STIM1: variants seen among roughly 807,000 people sequenced by gnomAD.
STIM1 encodes the protein stromal interaction molecule 1.
Under a neutral mutation model 74.7 loss-of-function variants are expected in STIM1, and 25 were observed. The ratio of observed to expected loss-of-function variants is 0.33; its 90% CI spans 0.24 to 0.47. The LOEUF (loss-of-function observed/expected upper bound fraction) is 0.47, where lower values mean the gene tolerates loss of function less well. Among genes scored for constraint, STIM1 ranks in the 20% least tolerant of loss-of-function variants. STIM1 has a pLI of 1.00. For synonymous variants in STIM1, 328 were observed against 348.8 expected, an observed-to-expected ratio of 0.94 and a Z score of 0.66; for missense variants, 728 against 920.8, an observed-to-expected ratio of 0.79 and a Z score of 2.71.
intron 1 of STIM1, chr11:3,892,932 CTT>C: frequency 8.7e-7 from 1 of 1,153,858 alleles, no homozygotes; most frequent in South Asian, 1.3e-5. Context: ...TCTGCAAAGA[CTT>C]TTATGTTTTA....
chr11:4,083,885 T>G (rs181150322), intron 10 of STIM1, among the ~76,000 whole-genome samples: 10 of 152,372 alleles, frequency 6.6e-5, no homozygotes, highest in African/African-American at 2.4e-4. Flanking sequence ...CTTATTCTTA[T>G]TGCTAAAGTA....
In STIM1 at chr11:3,936,555, A is replaced by G. The variant is rs567156840; in HGVS notation, c.140-30997A>G. On this transcript the variant is annotated intron_variant, in intron 1 of 12. Coordinates refer to ENST00000526596, the MANE Select transcript of STIM1 (RefSeq NM_001382567.1). The stretch of plus-strand genomic sequence containing the variant: ...GACTAGAGAGTCTTATAATAAGGTT[A>G]CCAGTATGATATAGTATCTGAAAAA... Among the ~76,000 whole-genome samples, 7 of 152,310 alleles carry G rather than the reference A, an allele frequency of 4.6e-5. No individual in the cohort carries two copies. The South Asian group carries it at 1.5e-3, about 32-fold the overall frequency.
intron 1 of STIM1, among the ~76,000 whole-genome samples, chr11:3,895,044 C>A (rs12294799): frequency 1.3e-5 from 2 of 152,018 alleles, no homozygotes; most frequent in Admixed American, 1.3e-4. Context: ...CCACCGCGCC[C>A]GGCCGACCCT....
In STIM1 at chr11:4,091,494, C is replaced by T. The variant is rs750326949; in HGVS notation, c.1847C>T (p.Ala616Val). The T allele has an allele frequency of 4.2e-5, 68 of 1,614,042 alleles. No homozygotes were observed. The highest frequency in any genetic ancestry group is 3.5e-4 in the Admixed American group (21 of 60,000). Residue 616 changes from alanine (A) to valine (V), a missense_variant, in exon 13 of 13, where the codon GCG (alanine) becomes GTG (valine). This residue lies in a region of STIM1 where 352 missense variants were observed against 370.1 expected (regional missense o/e 0.95). Coordinates refer to ENST00000526596, the MANE Select transcript of STIM1 (RefSeq NM_001382567.1). ...GCCCTGGCCAAGAAGGCATTACTGG[C>T]GCTGAACCATGGGCTGGACAAGGCC... ...SPALAKKALLALNHGLDKAHS... is the reference protein window; with the variant it reads ...SPALAKKALLVLNHGLDKAHS...
chr11:4,083,852 CTTAT>C (rs2094478279), intron 10 of STIM1, among the ~76,000 whole-genome samples: 1 of 152,024 alleles, frequency 6.6e-6, no homozygotes, highest in Non-Finnish European at 1.5e-5. Flanking sequence ...ATTTATTGAA[CTTAT>C]TTATTTTGAT....
intron 1 of STIM1, among the ~76,000 whole-genome samples, chr11:3,928,012 G>A (rs1400807370): frequency 1.3e-5 from 2 of 152,268 alleles, no homozygotes; most frequent in African/African-American, 4.8e-5. Flanking sequence ...CCCCTTGTGG[G>A]TGTTAAGATC....
chr11:3,872,374 CA>C (rs1427644777), intron 1 of STIM1, among the ~76,000 whole-genome samples: 1 of 152,160 alleles, frequency 6.6e-6, no homozygotes, highest in South Asian at 2.1e-4. Context: ...CTCTTAATGA[CA>C]ACAGGAAAAG....
intron 1 of STIM1, among the ~76,000 whole-genome samples, chr11:3,952,250 A>G (rs1224026897): frequency 6.6e-6 from 1 of 151,996 alleles, no homozygotes; most frequent in Non-Finnish European, 1.5e-5. Context: ...TCATCTCTAC[A>G]AAAAATACAA....
At chr11:3,863,412 A>G (rs1272300884) in intron 1 of STIM1, among the ~76,000 whole-genome samples, 2 of 151,802 alleles carry the variant, frequency 1.3e-5, no homozygotes, top group East Asian at 3.9e-4. Context: ...ATGTGCCACC[A>G]TGCCTGGCTA....
intron 1 of STIM1, among the ~76,000 whole-genome samples, chr11:3,890,738 T>A (rs901484348): frequency 1.3e-5 from 2 of 152,072 alleles, no homozygotes; most frequent in African/African-American, 2.4e-5. Flanking sequence ...TGTATTTAAG[T>A]GTATTTTCTA....
chr11:3,998,548 G>T (rs910368057), intron 2 of STIM1, among the ~76,000 whole-genome samples: 1 of 152,116 alleles, frequency 6.6e-6, no homozygotes, highest in South Asian at 2.1e-4. Context: ...CCCTCGGCTT[G>T]GAGATGGATT....
intron 5 of STIM1, among the ~76,000 whole-genome samples, chr11:4,063,500 C>T (rs1388581194): frequency 6.6e-6 from 1 of 152,164 alleles, no homozygotes; most frequent in South Asian, 2.1e-4. Context: ...GGCACGCACA[C>T]TGTATTTTTA....
chr11:3,873,176 G>T (rs923977757), intron 1 of STIM1, among the ~76,000 whole-genome samples: 3 of 152,044 alleles, frequency 2.0e-5, no homozygotes, highest in Non-Finnish European at 4.4e-5. Flanking sequence ...GGCACTTTGG[G>T]AGGCCAAGGC....
chr11:3,898,089 A>G (rs1250582547), intron 1 of STIM1, among the ~76,000 whole-genome samples: 4 of 152,172 alleles, frequency 2.6e-5, no homozygotes, highest in African/African-American at 2.4e-5. Context: ...GAATCGCCAC[A>G]CTGACTTCCA....
chr11:3,949,800 A>G (rs1304921484), intron 1 of STIM1, among the ~76,000 whole-genome samples: 3 of 152,208 alleles, frequency 2.0e-5, no homozygotes, highest in Non-Finnish European at 4.4e-5. Context: ...GTAGTATATC[A>G]TGGCCAGGAT....
At chr11:3,990,599 C>T (rs918764802) in intron 2 of STIM1, among the ~76,000 whole-genome samples, 2 of 152,148 alleles carry the variant, frequency 1.3e-5, no homozygotes, top group Non-Finnish European at 2.9e-5. Context: ...TCTCCACATG[C>T]TCATCAACAC....
Position 4,077,610 on chromosome 11 carries a change from A to C in STIM1, c.969+2931A>C, listed in dbSNP as rs972422104. ...TTTTTAGCACTTATATATCTCTTAAAATATACTTCTGCTCCATTCTCTCCT... is the reference window on the plus strand; with the variant it reads ...TTTTTAGCACTTATATATCTCTTAACATATACTTCTGCTCCATTCTCTCCT... On this transcript the variant is annotated intron_variant, in intron 7 of 12. Transcript: ENST00000526596. 4.6e-5 allele frequency among the ~76,000 whole-genome samples: 7 copies of C among 152,158 alleles called. No individual in the cohort carries two copies. The East Asian group carries it at 1.3e-3, about 29-fold the overall frequency.
At chr11:4,018,666 G>T (rs965584267) in intron 2 of STIM1, among the ~76,000 whole-genome samples, 8 of 144,668 alleles carry the variant, frequency 5.5e-5, no homozygotes, top group Admixed American at 1.4e-4. Flanking sequence ...AAAAAAAAAG[G>T]CATAAAAGGG....
chr11:3,859,145 G>C (rs370751860), intron 1 of STIM1, among the ~76,000 whole-genome samples: 2 of 152,138 alleles, frequency 1.3e-5, no homozygotes, highest in Non-Finnish European at 2.9e-5. Context: ...ATACCCATCT[G>C]TCTCTTTTTA....
Sources: allele counts gnomAD v4.1 joint callset (sites outside exome capture counted in the v4.1 genomes callset), GRCh38; gene constraint gnomAD v4.1.1; regional missense constraint gnomAD v4.1.1; transcripts MANE v1.5; gene names NCBI Gene and HGNC (gene_info 2026-07-23, HGNC 2026-07-21).